The following PABPC4L variants were observed in gnomAD, a reference collection of about 807,000 sequenced individuals.
PABPC4L encodes the protein polyadenylate-binding protein 4-like.
For missense variants in PABPC4L, 452 were observed against 451.4 expected, an observed-to-expected ratio of 1.00 and a Z score of -0.01; for synonymous variants, 169 against 164.1, an observed-to-expected ratio of 1.03 and a Z score of -0.23.
the PABPC4L span, among the ~76,000 whole-genome samples, chr4:134,026,648 C>T: frequency 5.9e-5 from 9 of 151,976 alleles, no homozygotes; most frequent in Non-Finnish European, 8.8e-5. Flanking sequence ...ATATTGACGT[C>T]GTAACCCCAA....
At chr4:134,131,714 C>CAAAAAAAAAA in the PABPC4L span, among the ~76,000 whole-genome samples, 27 of 10,674 alleles carry the variant, frequency 2.5e-3, 9 homozygotes, top group East Asian at 8.6e-3. Context: ...CCTGTGAAAC[C>CAAAAAAAAAA]AAAAAAAAAA....
chr4:134,074,766 G>C, the PABPC4L span, among the ~76,000 whole-genome samples: 2 of 152,170 alleles, frequency 1.3e-5, no homozygotes, highest in African/African-American at 4.8e-5. Flanking sequence ...TGGCAGGAGA[G>C]AGAGGTGGAA....
the PABPC4L span, among the ~76,000 whole-genome samples, chr4:133,966,272 CT>C: frequency 1.3e-5 from 2 of 152,134 alleles, no homozygotes; most frequent in African/African-American, 4.8e-5. Context: ...TACCACATTA[CT>C]TCTGTAACAA....
At chr4:133,949,580 T>C in the PABPC4L span, among the ~76,000 whole-genome samples, 1 of 152,178 alleles carries the variant, frequency 6.6e-6, no homozygotes, top group Non-Finnish European at 1.5e-5. Flanking sequence ...TTTTACTTTT[T>C]TCTAGGATTT....
the PABPC4L span, among the ~76,000 whole-genome samples, chr4:134,088,434 T>C: frequency 1.3e-5 from 2 of 152,142 alleles, no homozygotes; most frequent in African/African-American, 4.8e-5. Context: ...CTCCATGATA[T>C]ACATTCCCTC....
At chr4:134,062,960 T>C in the PABPC4L span, among the ~76,000 whole-genome samples, 3 of 152,234 alleles carry the variant, frequency 2.0e-5, no homozygotes, top group Admixed American at 6.6e-5. Flanking sequence ...TTAAAAATTA[T>C]TTGGCAGGTT....
At chr4:133,968,866 G>A in the PABPC4L span, among the ~76,000 whole-genome samples, 3 of 152,142 alleles carry the variant, frequency 2.0e-5, no homozygotes, top group African/African-American at 7.2e-5. Context: ...ACAGGTCAAA[G>A]AGAAATGGCA....
the PABPC4L span, among the ~76,000 whole-genome samples, chr4:134,032,737 A>C: frequency 6.6e-6 from 1 of 151,922 alleles, no homozygotes; most frequent in Non-Finnish European, 1.5e-5. Flanking sequence ...GAACTATCTA[A>C]CATCCAAATG....
chr4:134,190,115 C>G, the PABPC4L span, among the ~76,000 whole-genome samples: 20 of 152,248 alleles, frequency 1.3e-4, no homozygotes, highest in South Asian at 4.1e-3. Flanking sequence ...ATCAGCAATA[C>G]AGTTACAGTT....
chr4:134,166,911 C>T, the PABPC4L span, among the ~76,000 whole-genome samples: 15 of 152,112 alleles, frequency 9.9e-5, no homozygotes, highest in Non-Finnish European at 1.2e-4. Flanking sequence ...CTAACCCATA[C>T]CATTCTTCTC....
At chr4:133,957,839 C>T in the PABPC4L span, among the ~76,000 whole-genome samples, 1 of 152,182 alleles carries the variant, frequency 6.6e-6, no homozygotes. Context: ...GAGCTGTACC[C>T]TCGTCCCTTT....
chr4:134,023,984 T>A, the PABPC4L span, among the ~76,000 whole-genome samples: 247 of 152,266 alleles, frequency 1.6e-3, no homozygotes, highest in African/African-American at 5.4e-3. Flanking sequence ...ACACTATTAA[T>A]TATGATCAAT....
the PABPC4L span, among the ~76,000 whole-genome samples, chr4:134,118,153 G>A: frequency 6.6e-6 from 1 of 151,760 alleles, no homozygotes; most frequent in South Asian, 2.1e-4. Context: ...ACTCAGTAGT[G>A]TCCTACCTTT....
chr4:134,074,761 G>A, the PABPC4L span, among the ~76,000 whole-genome samples: 1 of 152,170 alleles, frequency 6.6e-6, no homozygotes, highest in African/African-American at 2.4e-5. Flanking sequence ...CATGGTGGCA[G>A]GAGAGAGAGG....
chr4:134,074,117 A>G, the PABPC4L span, among the ~76,000 whole-genome samples: 3 of 152,186 alleles, frequency 2.0e-5, no homozygotes, highest in Admixed American at 6.5e-5. Flanking sequence ...TTTGTTTTCT[A>G]TTGCATTGTC....
the PABPC4L span, among the ~76,000 whole-genome samples, chr4:134,073,426 T>C: frequency 3.9e-5 from 6 of 152,214 alleles, no homozygotes; most frequent in Non-Finnish European, 8.8e-5. Context: ...GCTCTGCCTC[T>C]GTGGCTCTGC....
At chr4:133,983,609 C>T in the PABPC4L span, among the ~76,000 whole-genome samples, 2 of 151,782 alleles carry the variant, frequency 1.3e-5, no homozygotes, top group South Asian at 4.2e-4. Context: ...TATGCCACAG[C>T]CTTACCAGAA....
At chr4:134,137,284 A>G in the PABPC4L span, among the ~76,000 whole-genome samples, 1 of 152,148 alleles carries the variant, frequency 6.6e-6, no homozygotes, top group Admixed American at 6.6e-5. Context: ...AAATAATATT[A>G]ATAAGAATCT....
At chr4:134,032,270 A>G in the PABPC4L span, among the ~76,000 whole-genome samples, 25 of 151,874 alleles carry the variant, frequency 1.6e-4, no homozygotes, top group Admixed American at 1.1e-3. Flanking sequence ...CCTTTAAAAA[A>G]CATAAATAGG....
Sources: gnomAD v4.1 joint callset for allele counts (sites outside exome capture counted in the v4.1 genomes callset) on GRCh38, gnomAD v4.1.1 for gene constraint, MANE v1.5 for transcripts, NCBI Gene and HGNC (gene_info 2026-07-23, HGNC 2026-07-21) for gene names.